The following ARPIN variants were observed in gnomAD, a reference collection of about 807,000 sequenced individuals.
The protein encoded by ARPIN is actin related protein 2/3 complex inhibitor.
In ARPIN, 23 loss-of-function variants were observed where a neutral mutation model predicts 25.9. The observed-to-expected ratio is 0.89, with a 90% CI of 0.64 to 1.26. The LOEUF is 1.26. ARPIN is among the 50% of genes most tolerant of loss of function. ARPIN has a pLI of 0.00. For synonymous variants in ARPIN, 126 were observed against 131.4 expected (o/e 0.96, Z 0.28); for missense variants, 333 against 312.2 (o/e 1.07, Z -0.50).
At chr15:89,902,709 A>G in intron 5 of ARPIN, 1 of 404,192 alleles carries the variant, frequency 2.5e-6, no homozygotes, top group Non-Finnish European at 3.5e-6. Flanking sequence ...ATCTCCCAAA[A>G]AAAGAGAAAA....
Position 89,908,226 on chromosome 15 carries a change from C to T in ARPIN, c.301+54G>A, listed in dbSNP as rs1019446100. 8.1e-6 allele frequency: 13 copies of T among 1,606,460 alleles called. No homozygotes were observed. The African/African-American group carries it at 1.2e-4, about 15-fold the overall frequency. On this transcript the variant is annotated intron_variant, in intron 3 of 5. Coordinates refer to ENST00000357484, the MANE Select transcript of ARPIN (RefSeq NM_182616.4). ...GGCTAAGAGGCTCAGAAGAGAAAGG[C>T]CGCCACACTGCAGGAGGGCCCTGAG...
In ARPIN at chr15:89,903,772, C is replaced by T. The variant is rs774991468; in HGVS notation, c.508+5G>A. The T allele has an allele frequency of 3.1e-6, 5 of 1,613,894 alleles. No individual in the cohort carries two copies. In the African/African-American group the frequency reaches 6.7e-5, roughly 22 times the overall value. Reference sequence around the variant, plus strand: ...GTGGGCCACAGTGAGGGTTGCATTGCTCACCCAGGAAGGGACCATCGCCCC... The same window carrying T: ...GTGGGCCACAGTGAGGGTTGCATTGTTCACCCAGGAAGGGACCATCGCCCC... On this transcript the variant is annotated splice_donor_5th_base_variant and intron_variant, in intron 4 of 5. Coordinates refer to ENST00000357484, the MANE Select transcript of ARPIN (RefSeq NM_182616.4).
intron 3 of ARPIN, among the ~76,000 whole-genome samples, chr15:89,907,671 C>T (rs1485766823): frequency 6.6e-6 from 1 of 152,134 alleles, no homozygotes; most frequent in Non-Finnish European, 1.5e-5. Flanking sequence ...GGTGCAGTGG[C>T]ACACACCTAC....
At chr15:89,903,732 G>A (rs1178170336) in intron 4 of ARPIN, 45 bp downstream of exon 4, 6 of 1,606,326 alleles carry the variant, frequency 3.7e-6, no homozygotes, top group Non-Finnish European at 5.1e-6. Context: ...AGCCCCCATG[G>A]GCCACACAGG....
intron 3 of ARPIN, among the ~76,000 whole-genome samples, chr15:89,906,721 C>T (rs1182007654): frequency 6.6e-6 from 1 of 152,096 alleles, no homozygotes; most frequent in Non-Finnish European, 1.5e-5. Context: ...TCCCACTCAA[C>T]CTCAAAACCT....
At position 89,908,203 on chromosome 15, in the gene ARPIN, C is replaced by T. The variant is rs970633496; in HGVS notation, c.301+77G>A. The T allele has an allele frequency of 1.1e-5, 17 of 1,590,404 alleles. No individual in the cohort carries two copies. In the Admixed American group the frequency reaches 1.2e-4, roughly 11 times the overall value. On this transcript the variant is annotated intron_variant, in intron 3 of 5. Coordinates refer to ENST00000357484, the MANE Select transcript of ARPIN (RefSeq NM_182616.4). ...GGGCTGAAGAGACACTTTCCAGGGG[C>T]TAAGAGGCTCAGAAGAGAAAGGCCG... is the stretch of plus-strand genomic sequence containing the variant.
In ARPIN at chr15:89,897,020, C is replaced by T. The variant is rs1896940837; in HGVS notation, c.*4775G>A. On this transcript the variant is annotated 3_prime_UTR_variant, in exon 6 of 6. Coordinates refer to ENST00000357484, the MANE Select transcript of ARPIN (RefSeq NM_182616.4). ...GATTCTCAGTAATATGACTCCTGGG[C>T]ATCTGTTCCTAAAGAAATAACCCAA... 6.6e-6 allele frequency: 1 copy of T among 152,176 alleles called. No individual in the cohort carries two copies. The highest frequency in any genetic ancestry group is 6.5e-5 in the Admixed American group (1 of 15,286). The allele number at this position is 152,176 out of a possible 1,614,324, so 9.4% of individuals were successfully genotyped here.
intron 5 of ARPIN, among the ~76,000 whole-genome samples, chr15:89,902,315 G>A (rs1897035887): frequency 6.6e-6 from 1 of 152,140 alleles, no homozygotes; most frequent in Non-Finnish European, 1.5e-5. Flanking sequence ...GGCTGAGGCA[G>A]GAGAATTGCT....
intron 5 of ARPIN, 76 bp downstream of exon 5, chr15:89,903,140 A>T: frequency 6.2e-7 from 1 of 1,613,872 alleles, no homozygotes. Flanking sequence ...TCGTCTTCTC[A>T]TCCTACCCAC....
rs563123364 is a variant in ARPIN, at chr15:89,896,447, A to G, written c.*5348T>C. The G allele has an allele frequency of 2.0e-5, 3 of 152,372 alleles. No individual in the cohort carries two copies. In the South Asian group the frequency reaches 6.2e-4, roughly 32 times the overall value. The allele number at this position is 152,372 out of a possible 1,614,324, so 9.4% of individuals were successfully genotyped here. A position where few individuals can be genotyped will look rare whatever the true frequency, so the allele number is the denominator to read the frequency against. ...AGTGGGAAGGAATTCAGTAAATACT[A>G]TTAGGATAACTGGTTAGCAATTTGA... On this transcript the variant is annotated 3_prime_UTR_variant, in exon 6 of 6. Transcript: ENST00000357484.
In ARPIN at chr15:89,912,733, C is replaced by A. The variant is rs1419242740; in HGVS notation, c.92+11G>T. ...GGGGAGGCCGACCCGAGGCCGTGAGCCCAGGCCTACCCCTGGTGGGCGGCG... is the reference window on the plus strand; with the variant it reads ...GGGGAGGCCGACCCGAGGCCGTGAGACCAGGCCTACCCCTGGTGGGCGGCG... On this transcript the variant is annotated intron_variant, in intron 1 of 5. Transcript: ENST00000357484. 3.0e-6 allele frequency: 4 copies of A among 1,331,882 alleles called. No homozygotes were observed. In the Admixed American group the frequency reaches 1.2e-4, roughly 41 times the overall value. 82.5% of individuals were successfully genotyped at this position (1,331,882 alleles called of 1,614,324 possible). A position where few individuals can be genotyped will look rare whatever the true frequency, so the allele number is the denominator to read the frequency against.
Position 89,910,834 on chromosome 15 carries a change from G to T in ARPIN, c.93-15C>A. ...CACCATTTCCCCTGGGGATGAAAGG[G>T]AAAGAAAGGATAGCCAGTTTTGTCA... On this transcript the variant is annotated splice_polypyrimidine_tract_variant and intron_variant, in intron 1 of 5. Coordinates refer to ENST00000357484, the MANE Select transcript of ARPIN (RefSeq NM_182616.4). The T allele has an allele frequency of 6.2e-7, 1 of 1,613,902 alleles. No individual in the cohort carries two copies. Among genetic ancestry groups the T allele is most frequent in the Non-Finnish European group, 8.5e-7 (1 of 1,179,894 alleles).
rs879880801 is a variant in ARPIN at position 89,912,892 on chromosome 15, G to A, written c.-57C>T. The A allele has an allele frequency of 2.0e-6, 3 of 1,465,166 alleles. No individual in the cohort carries two copies. The highest frequency in any genetic ancestry group is 2.6e-5 in the Admixed American group (1 of 38,634). 90.8% of individuals were successfully genotyped at this position (1,465,166 alleles called of 1,614,324 possible). A position where few individuals can be genotyped will look rare whatever the true frequency, so the allele number is the denominator to read the frequency against. On this transcript the variant is annotated 5_prime_UTR_variant, in exon 1 of 6. Coordinates refer to ENST00000357484, the MANE Select transcript of ARPIN (RefSeq NM_182616.4). ...GCCGGCGCACTGGGCTGGGGGCGCGGCGCGGGAAGTGCTGCAGGACGCGCG... is the reference window on the plus strand; with the variant it reads ...GCCGGCGCACTGGGCTGGGGGCGCGACGCGGGAAGTGCTGCAGGACGCGCG...
chr15:89,903,894 T>A lies in ARPIN; in HGVS notation c.391A>T (p.Ser131Cys), dbSNP rs1349499668. Residue 131 changes from serine (S) to cysteine (C), a missense_variant, in exon 4 of 6, where the codon AGC becomes TGC. Ser to Cys is a moderately radical substitution (Grantham distance 112, BLOSUM62 -1). Transcript: ENST00000357484. ...GCCACTGTGTGGTCGGGGGTGAGGC[T>A]CTCTGTCAGCGCGAGCAGCTCTGGC... ...NKPELLALTE[S>C]LTPDHTVAFW... The A allele has an allele frequency of 2.5e-6, 4 of 1,613,912 alleles. No individual in the cohort carries two copies. The East Asian group carries it at 8.9e-5, about 36-fold the overall frequency.
In ARPIN at chr15:89,898,615, TAAC is replaced by T. The variant is rs1331805309; in HGVS notation, c.*3177_*3179del. The T allele has an allele frequency of 5.3e-5, 8 of 152,310 alleles. No individual in the cohort carries two copies. The highest frequency in any genetic ancestry group is 1.9e-4 in the African/African-American group (8 of 41,564). The allele number at this position is 152,310 out of a possible 1,614,324, so 9.4% of individuals were successfully genotyped here. A position where few individuals can be genotyped will look rare whatever the true frequency, so the allele number is the denominator to read the frequency against. On this transcript the variant is annotated 3_prime_UTR_variant, in exon 6 of 6. Transcript: ENST00000357484. The stretch of plus-strand genomic sequence containing the variant: ...CACCACTTTTTGTTTCTAGCCCTAT[TAAC>T]AACCTGTGGAAGATCCCTCAGGCTG...
At chr15:89,903,491 C>T (rs1239930739) in intron 4 of ARPIN, 112 bp from the exon 5 acceptor site, 12 of 1,536,526 alleles carry the variant, frequency 7.8e-6, no homozygotes, top group Non-Finnish European at 1.1e-5. Flanking sequence ...CTGTTTTCTC[C>T]AGGCATAGAT....
At chr15:89,905,648 C>T (rs968507818) in intron 3 of ARPIN, among the ~76,000 whole-genome samples, 26 of 152,218 alleles carry the variant, frequency 1.7e-4, no homozygotes, top group Admixed American at 1.2e-3. Flanking sequence ...TAGCTCCTCA[C>T]GCCTGTTCCC....
At chr15:89,911,279 A>G (rs573029960) in intron 1 of ARPIN, among the ~76,000 whole-genome samples, 6 of 152,274 alleles carry the variant, frequency 3.9e-5, no homozygotes, top group African/African-American at 1.4e-4. Flanking sequence ...CTGTTTTTAA[A>G]CACTCTCATA....
intron 2 of ARPIN, among the ~76,000 whole-genome samples, chr15:89,909,863 G>A (rs538824830): frequency 1.3e-5 from 2 of 152,288 alleles, no homozygotes; most frequent in African/African-American, 2.4e-5. Context: ...TTCCCAGCCC[G>A]GTGGCTGGGA....
Sources: allele counts gnomAD v4.1 joint callset (sites outside exome capture counted in the v4.1 genomes callset), GRCh38; gene constraint gnomAD v4.1.1; transcripts MANE v1.5; gene names NCBI Gene and HGNC (gene_info 2026-07-23, HGNC 2026-07-21).